The following ERI3 variants were observed in gnomAD, a reference collection of about 807,000 sequenced individuals.
ERI3 encodes the protein ERI1 exoribonuclease 3.
In ERI3, 18 loss-of-function variants were observed where a neutral mutation model predicts 44.4. The observed-to-expected ratio is 0.41, with a 90% CI of 0.28 to 0.60. The LOEUF is 0.60. Among genes scored for constraint, ERI3 ranks in the 20% least tolerant of loss-of-function variants. ERI3 has a pLI of 0.36. For synonymous variants in ERI3, 183 were observed against 164.8 expected (o/e 1.11, Z -0.84); for missense variants, 294 against 435.5 (o/e 0.68, Z 2.89).
At position 44,353,840 on chromosome 1, in the gene ERI3, A is replaced by C. The variant is rs912739255; in HGVS notation, c.136-915T>G. On this transcript the variant is annotated intron_variant, in intron 1 of 8. Coordinates refer to ENST00000372257, the MANE Select transcript of ERI3 (RefSeq NM_024066.3). ...GCTCCAGTGAAGCACCACAGAATCT[A>C]TAAAGGAAACCTTATCAATCACTTC... 11 of 985,290 alleles carry C rather than the reference A, an allele frequency of 1.1e-5. No individual in the cohort carries two copies. The African/African-American group carries it at 1.9e-4, about 17-fold the overall frequency. The allele number at this position is 985,290 out of a possible 1,614,324, so 61.0% of individuals were successfully genotyped here.
chr1:44,280,660 A>G (rs965633543), intron 7 of ERI3, among the ~76,000 whole-genome samples: 9 of 152,214 alleles, frequency 5.9e-5, no homozygotes, highest in African/African-American at 2.2e-4. Flanking sequence ...TCTATCAAGA[A>G]AAACCAGCAA....
chr1:44,338,816 A>G (rs921806149), intron 3 of ERI3, among the ~76,000 whole-genome samples: 2 of 152,130 alleles, frequency 1.3e-5, no homozygotes, highest in Admixed American at 6.5e-5. Context: ...TTGATTCCCA[A>G]AAGCTGAGAC....
chr1:44,292,529 T>C lies in ERI3; in HGVS notation c.759-7622A>G, dbSNP rs542286592. On this transcript the variant is annotated intron_variant, in intron 6 of 8. Coordinates refer to ENST00000372257, the MANE Select transcript of ERI3 (RefSeq NM_024066.3). The stretch of plus-strand genomic sequence containing the variant: ...GAAGATAACCATAGCAGACACAGAA[T>C]GGTCACTGCAGGAGTGACTACTGAG... Among the ~76,000 whole-genome samples the C allele has an allele frequency of 1.1e-4, 16 of 152,280 alleles. No individual in the cohort carries two copies. In the South Asian group the frequency reaches 3.1e-3, roughly 30 times the overall value.
At chr1:44,344,527 GAA>G (rs926834553) in intron 2 of ERI3, among the ~76,000 whole-genome samples, 5 of 152,082 alleles carry the variant, frequency 3.3e-5, no homozygotes, top group Non-Finnish European at 5.9e-5. Context: ...GCCTTCTCAG[GAA>G]ACACACCTGC....
rs916094328 is a variant in ERI3, at chr1:44,305,878, A to G, written c.758+2432T>C. ...AAATCTGAAAATGGATGTCAAAATA[A>G]GAAGTAAGCCACAGACTAACAAGTT... On this transcript the variant is annotated intron_variant, in intron 6 of 8. Transcript: ENST00000372257. Among the ~76,000 whole-genome samples, 12 of 152,348 alleles carry G rather than the reference A, an allele frequency of 7.9e-5. No homozygotes were observed. In the East Asian group the frequency reaches 2.3e-3, roughly 29 times the overall value.
intron 4 of ERI3, among the ~76,000 whole-genome samples, chr1:44,314,135 C>G (rs1210914698): frequency 6.9e-6 from 1 of 144,040 alleles, no homozygotes; most frequent in Non-Finnish European, 1.5e-5. Flanking sequence ...TTGGAAACTT[C>G]TTTTTTTTAA....
chr1:44,282,895 C>T (rs1236216211), intron 7 of ERI3, among the ~76,000 whole-genome samples: 2 of 152,202 alleles, frequency 1.3e-5, no homozygotes, highest in East Asian at 1.9e-4. Context: ...AGACTCTGGG[C>T]AGCCTGCCTT....
chr1:44,334,137 T>C (rs1438909202), intron 3 of ERI3, among the ~76,000 whole-genome samples: 1 of 152,206 alleles, frequency 6.6e-6, no homozygotes, highest in East Asian at 1.9e-4. Context: ...GCCGCCAGGA[T>C]GGCAGCTCCT....
At chr1:44,275,789 C>G (rs1281072036) in intron 7 of ERI3, among the ~76,000 whole-genome samples, 1 of 152,112 alleles carries the variant, frequency 6.6e-6, no homozygotes, top group African/African-American at 2.4e-5. Context: ...CTGGCTGAGC[C>G]CTGTCTGCCA....
intron 7 of ERI3, among the ~76,000 whole-genome samples, chr1:44,251,699 G>A (rs1280650410): frequency 6.6e-6 from 1 of 152,188 alleles, no homozygotes; most frequent in African/African-American, 2.4e-5. Context: ...AAAGGAAAGT[G>A]GCATGAGCAA....
chr1:44,263,686 T>C (rs1644935729), intron 7 of ERI3, among the ~76,000 whole-genome samples: 1 of 152,212 alleles, frequency 6.6e-6, no homozygotes, highest in Admixed American at 6.5e-5. Flanking sequence ...GAGAGGAGTA[T>C]AGGCTTGGGC....
At position 44,321,016 on chromosome 1, in the gene ERI3, G is replaced by A. The variant is rs189416379; in HGVS notation, c.490-1272C>T. On this transcript the variant is annotated intron_variant, in intron 3 of 8. Coordinates refer to ENST00000372257, the MANE Select transcript of ERI3 (RefSeq NM_024066.3). The stretch of plus-strand genomic sequence containing the variant: ...AATCAAGGTAAAGTGGTTCTCTCCA[G>A]AGACAGCCTGGAGAAGCAACACGAA... 2.6e-5 allele frequency among the ~76,000 whole-genome samples: 4 copies of A among 152,228 alleles called. No homozygotes were observed. The East Asian group carries it at 7.7e-4, about 29-fold the overall frequency.
chr1:44,316,730 C>A (rs1646095411), intron 4 of ERI3, among the ~76,000 whole-genome samples: 1 of 152,066 alleles, frequency 6.6e-6, no homozygotes, highest in Admixed American at 6.5e-5. Context: ...AAGACAAAGC[C>A]CTTTACTGGC....
chr1:44,339,286 A>G lies in ERI3; in HGVS notation c.248T>C (p.Leu83Ser). ...AGAAAATCGAGCTGCTCCAGTCTGT[A>G]AAGGTGCTAGCATTGAACATCCAGA... ...DASGCSMLAP[L>S]QTGAARFSSY... Residue 83 changes from leucine to serine, a missense_variant, in exon 3 of 9, where the codon TTA becomes TCA. Leu to Ser is a moderately radical substitution (Grantham distance 145). Around this residue, in one of 2 missense-constraint regions of ERI3, gnomAD observed 187 missense variants for 338.6 expected, o/e 0.55. Transcript: ENST00000372257. 1 of 1,612,218 alleles carries G rather than the reference A, an allele frequency of 6.2e-7. No homozygotes were observed. The highest frequency in any genetic ancestry group is 1.3e-5 in the African/African-American group (1 of 74,748).
At chr1:44,340,175 C>T (rs1646625133) in intron 2 of ERI3, among the ~76,000 whole-genome samples, 2 of 149,318 alleles carry the variant, frequency 1.3e-5, no homozygotes, top group South Asian at 4.2e-4. Context: ...AAAATCAAAT[C>T]ACTTTTCCTT....
chr1:44,234,057 T>C (rs1009604562), intron 8 of ERI3, among the ~76,000 whole-genome samples: 6 of 152,174 alleles, frequency 3.9e-5, no homozygotes, highest in Non-Finnish European at 5.9e-5. Context: ...CTTGGTTCCT[T>C]TGAACACTCC....
chr1:44,335,846 C>A (rs1221936024), intron 3 of ERI3, among the ~76,000 whole-genome samples: 1 of 151,840 alleles, frequency 6.6e-6, no homozygotes, highest in Non-Finnish European at 1.5e-5. Context: ...TCTGAGACAG[C>A]ACTAAGGAAG....
chr1:44,243,947 C>T (rs1644498214), intron 8 of ERI3: 1 of 152,240 alleles, frequency 6.6e-6, no homozygotes, highest in African/African-American at 2.4e-5. Context: ...CCTCAACCAA[C>T]TGGCTATGTG....
chr1:44,222,414 C>CT (rs1211992539), intron 8 of ERI3, among the ~76,000 whole-genome samples: 1 of 152,226 alleles, frequency 6.6e-6, no homozygotes, highest in Non-Finnish European at 1.5e-5. Context: ...TGCTAGTCAC[C>CT]TTTTTGGGCC....
Sources: gnomAD v4.1 joint callset for allele counts (sites outside exome capture counted in the v4.1 genomes callset) on GRCh38, gnomAD v4.1.1 for gene constraint, gnomAD v4.1.1 regional missense constraint, MANE v1.5 for transcripts, NCBI Gene and HGNC (gene_info 2026-07-23, HGNC 2026-07-21) for gene names.